The following CHRDL1 variants were observed in gnomAD, a reference collection of about 807,000 sequenced individuals.
CHRDL1 encodes the protein chordin like 1.
In CHRDL1, 19 loss-of-function variants were observed where a neutral mutation model predicts 40.9. That is an observed-to-expected ratio of 0.46 (90% CI 0.32 to 0.68). The LOEUF is 0.68. Ranked by LOEUF, CHRDL1 falls within the 30% of genes least tolerant of loss-of-function variation. The probability of loss-of-function intolerance (pLI) is 0.03; values close to 1 mark genes in which losing one functional copy is unlikely to be tolerated. For synonymous variants in CHRDL1, 136 were observed against 123.4 expected, an observed-to-expected ratio of 1.10 and a Z score of -0.68; for missense variants, 329 against 352.1, an observed-to-expected ratio of 0.93 and a Z score of 0.53.
chrX:110,775,160 T>C (rs1436724873), intron 2 of CHRDL1, among the ~76,000 whole-genome samples: 22 of 111,582 alleles, frequency 2.0e-4, no homozygotes, highest in Non-Finnish European at 2.8e-4. Context: ...TTGTATCATA[T>C]AAGGGTTGGT....
chrX:110,787,538 A>G (rs1041141114), intron 2 of CHRDL1, among the ~76,000 whole-genome samples: 17 of 112,666 alleles, frequency 1.5e-4, no homozygotes, highest in African/African-American at 5.2e-4. Context: ...ATCACCTCAA[A>G]TGACCAAGGG....
intron 4 of CHRDL1, among the ~76,000 whole-genome samples, chrX:110,750,167 C>A (rs1218458200): frequency 1.8e-5 from 2 of 111,918 alleles, no homozygotes; most frequent in African/African-American, 6.5e-5. Context: ...AATCTGCTTT[C>A]TAAATCCTGT....
At chrX:110,782,819 G>A (rs949432683) in intron 2 of CHRDL1, among the ~76,000 whole-genome samples, 1 of 112,209 alleles carries the variant, frequency 8.9e-6, no homozygotes, top group Non-Finnish European at 1.9e-5. Flanking sequence ...TTTATCCCAC[G>A]TACCAGTGTC....
At chrX:110,738,672 G>A (rs1418548426) in intron 4 of CHRDL1, among the ~76,000 whole-genome samples, 1 of 107,935 alleles carries the variant, frequency 9.3e-6, no homozygotes, top group Non-Finnish European at 1.9e-5. Flanking sequence ...AACCCGGGAG[G>A]TGGAGCTTGT....
chrX:110,694,219 T>C lies in CHRDL1; in HGVS notation c.722A>G (p.Gln241Arg). The C allele has an allele frequency of 8.3e-7, 1 of 1,210,013 alleles. No homozygotes were observed. ...AATTTGCACAATGGTTCCTGATGCTTGCTGGGAATCCATAAGAGCTCCCCG... is the reference window on the plus strand; with the variant it reads ...AATTTGCACAATGGTTCCTGATGCTCGCTGGGAATCCATAAGAGCTCCCCG... ...SHRGALMDSQQASGTIVQIVI... is the reference protein window; with the variant it reads ...SHRGALMDSQRASGTIVQIVI... The change falls in exon 8 of 12, where the codon CAA (glutamine) becomes CGA (arginine). Residue 241 changes from glutamine to arginine, a missense_variant. Coordinates refer to ENST00000372042, the MANE Select transcript of CHRDL1 (RefSeq NM_001143981.2).
At chrX:110,702,831 C>A (rs762501488) in intron 6 of CHRDL1, among the ~76,000 whole-genome samples, 1 of 111,673 alleles carries the variant, frequency 9.0e-6, no homozygotes, top group South Asian at 3.8e-4. Context: ...ATATTAGAAT[C>A]CCCCCATGAC....
intron 2 of CHRDL1, among the ~76,000 whole-genome samples, chrX:110,768,133 T>C (rs2089694134): frequency 8.9e-6 from 1 of 112,255 alleles, no homozygotes; most frequent in East Asian, 2.8e-4. Context: ...TATCAGAACA[T>C]TCTCAGAGCT....
chrX:110,714,704 G>C (rs1039516848), intron 6 of CHRDL1, among the ~76,000 whole-genome samples: 3 of 111,512 alleles, frequency 2.7e-5, no homozygotes, highest in African/African-American at 9.8e-5. Flanking sequence ...GTCTGACCCA[G>C]GAAGAAAGAC....
intron 6 of CHRDL1, among the ~76,000 whole-genome samples, chrX:110,718,663 T>C (rs987148895): frequency 8.9e-6 from 1 of 112,379 alleles, no homozygotes; most frequent in African/African-American, 3.2e-5. Context: ...TCTTTTTATC[T>C]TTCAGGTCTC....
At chrX:110,712,820 C>T (rs1292327026) in intron 6 of CHRDL1, among the ~76,000 whole-genome samples, 1 of 111,629 alleles carries the variant, frequency 9.0e-6, no homozygotes, top group Non-Finnish European at 1.9e-5. Context: ...ATAATTGTGC[C>T]AGTGCACTAC....
chrX:110,794,379 G>A (rs749449926), intron 1 of CHRDL1, among the ~76,000 whole-genome samples: 5 of 111,731 alleles, frequency 4.5e-5, no homozygotes, highest in African/African-American at 6.5e-5. Flanking sequence ...CTCTTTTACA[G>A]GTTACTTAGA....
intron 7 of CHRDL1, 98 bp downstream of exon 7, chrX:110,700,556 G>A: frequency 1.7e-6 from 1 of 578,681 alleles, no homozygotes; most frequent in Non-Finnish European, 2.9e-6. Context: ...TTAGAAATCG[G>A]GCCTTTTTTT....
intron 2 of CHRDL1, among the ~76,000 whole-genome samples, chrX:110,773,723 C>CA (rs1171179610): frequency 0.059 from 2,079 of 35,163 alleles, 78 homozygotes; most frequent in Middle Eastern, 0.086. Flanking sequence ...GAGACTGCCT[C>CA]AAAAAAAAAA....
At chrX:110,736,056 G>A (rs186851504) in intron 4 of CHRDL1, among the ~76,000 whole-genome samples, 42 of 112,468 alleles carry the variant, frequency 3.7e-4, no homozygotes, top group Admixed American at 1.4e-3. Context: ...ACTGGCAGAG[G>A]GTGCAAGGAA....
At chrX:110,752,700 G>T (rs1380620731) in intron 4 of CHRDL1, among the ~76,000 whole-genome samples, 1 of 111,001 alleles carries the variant, frequency 9.0e-6, no homozygotes, top group East Asian at 2.8e-4. Flanking sequence ...TCTTTTGCAG[G>T]CAAAGGAGTG....
intron 8 of CHRDL1, among the ~76,000 whole-genome samples, chrX:110,693,028 G>T (rs2070310297): frequency 8.9e-6 from 1 of 111,979 alleles, no homozygotes; most frequent in African/African-American, 3.2e-5. Flanking sequence ...AAACATGTTT[G>T]TGGTTTCATA....
intron 5 of CHRDL1, among the ~76,000 whole-genome samples, chrX:110,720,935 T>C (rs2070939451): frequency 8.9e-6 from 1 of 112,082 alleles, no homozygotes; most frequent in Non-Finnish European, 1.9e-5. Context: ...GCACTAGGAA[T>C]TAACTGGTTA....
rs761031205 is a variant in CHRDL1 at position 110,719,844 on chromosome X, C to A, written c.532G>T (p.Val178Leu). The A allele has an allele frequency of 4.2e-6, 5 of 1,197,165 alleles. No homozygotes were observed. Among genetic ancestry groups the A allele is most frequent in the African/African-American group, 1.8e-5 (1 of 56,582 alleles). The change falls in exon 6 of 12, where the codon GTA becomes TTA. Residue 178 changes from valine to leucine, a missense_variant. Physicochemically the swap from Val to Leu is conservative, Grantham distance 32. Coordinates refer to ENST00000372042, the MANE Select transcript of CHRDL1 (RefSeq NM_001143981.2). ...GATATAACACACCTACCTCTGCATA[C>A]CCGGCAGCAGGAATCTGGAACAGAG... Reference protein sequence around the residue: ...PVSVPDSCCRVCRGDGELSWE... With the variant: ...PVSVPDSCCRLCRGDGELSWE...
chrX:110,768,121 T>G (rs1223555419), intron 2 of CHRDL1, among the ~76,000 whole-genome samples: 1 of 112,181 alleles, frequency 8.9e-6, no homozygotes, highest in Non-Finnish European at 1.9e-5. Flanking sequence ...GAAATGTGGA[T>G]GTATCAGAAC....
Sources: allele counts gnomAD v4.1 joint callset (sites outside exome capture counted in the v4.1 genomes callset), GRCh38; gene constraint gnomAD v4.1.1; transcripts MANE v1.5; gene names NCBI Gene and HGNC (gene_info 2026-07-23, HGNC 2026-07-21).